DYNC2I2: variants seen among roughly 807,000 people sequenced by gnomAD.
DYNC2I2 encodes dynein 2 intermediate chain 2, also known as cytoplasmic dynein 2 intermediate chain 2.
A neutral mutation model predicts 52.0 loss-of-function variants in DYNC2I2; 39 were observed. The ratio of observed to expected loss-of-function variants is 0.75; its 90% CI spans 0.58 to 0.98. The LOEUF (loss-of-function observed/expected upper bound fraction) is 0.98. Ranked by LOEUF, DYNC2I2 falls within the 50% of genes least tolerant of loss-of-function variation. DYNC2I2 has a pLI of 0.00. For missense variants in DYNC2I2, 743 were observed against 728.4 expected (o/e 1.02, Z -0.23); for synonymous variants, 359 against 321.1 (o/e 1.12, Z -1.26).
At chr9:128,641,432 G>C (rs1392365044) in intron 1 of DYNC2I2, among the ~76,000 whole-genome samples, 2 of 152,110 alleles carry the variant, frequency 1.3e-5, no homozygotes, top group South Asian at 4.1e-4. Context: ...TCCACTATGA[G>C]CTGCTAGGTG....
intron 1 of DYNC2I2, among the ~76,000 whole-genome samples, chr9:128,648,662 T>C (rs1589435254): frequency 6.7e-6 from 1 of 149,988 alleles, no homozygotes; most frequent in Non-Finnish European, 1.5e-5. Flanking sequence ...TAGCCAAGCG[T>C]GTTGGCGGGC....
the DYNC2I2 span, among the ~76,000 whole-genome samples, chr9:128,668,824 G>GAA: frequency 1.8e-5 from 2 of 110,818 alleles, no homozygotes; most frequent in Non-Finnish European, 3.9e-5. Context: ...TAAAAAAAAG[G>GAA]AAAAAAAAAA....
the DYNC2I2 span, among the ~76,000 whole-genome samples, chr9:128,681,183 C>G: frequency 1.3e-5 from 2 of 150,616 alleles, no homozygotes; most frequent in Non-Finnish European, 3.0e-5. Flanking sequence ...CTCAGCCTCC[C>G]GGGTTCAAGT....
chr9:128,656,802 G>A lies in DYNC2I2; in HGVS notation c.-76C>T, dbSNP rs1343956627. 11 of 1,296,264 alleles carry A rather than the reference G, an allele frequency of 8.5e-6. No individual in the cohort carries two copies. The highest frequency in any genetic ancestry group is 2.9e-4 in the Middle Eastern group (1 of 3,488). The allele number at this position is 1,296,264 out of a possible 1,614,324, so 80.3% of individuals were successfully genotyped here. A position where few individuals can be genotyped will look rare whatever the true frequency, so the allele number is the denominator to read the frequency against. ...CCTACGCCGCCATGAGCGGAAAACG[G>A]GGAATGTGAGGCTGACGGCGCCATG... On this transcript the variant is annotated 5_prime_UTR_variant, in exon 1 of 9. Transcript: ENST00000372715.
At chr9:128,658,624 G>A (rs963352583), upstream of DYNC2I2, among the ~76,000 whole-genome samples, 2 of 151,576 alleles carry the variant, frequency 1.3e-5, no homozygotes, top group Non-Finnish European at 2.9e-5. Flanking sequence ...ACCACGCCTG[G>A]CCAATTTTTT....
the DYNC2I2 span, among the ~76,000 whole-genome samples, chr9:128,681,221 G>T: frequency 1.3e-5 from 2 of 152,094 alleles, no homozygotes; most frequent in African/African-American, 4.8e-5. Context: ...CTCCCGAGTA[G>T]CTGGGACTAC....
the DYNC2I2 span, among the ~76,000 whole-genome samples, chr9:128,678,086 T>G: frequency 3.0e-4 from 46 of 151,660 alleles, no homozygotes; most frequent in Middle Eastern, 3.4e-3. Flanking sequence ...TTTTTTTTTT[T>G]GGGACAGAGT....
At chr9:128,639,390 T>G (rs192978297) in intron 2 of DYNC2I2, among the ~76,000 whole-genome samples, 50 of 151,686 alleles carry the variant, frequency 3.3e-4, no homozygotes, top group African/African-American at 1.2e-3. Flanking sequence ...AGAGCGAGAC[T>G]CTGTCTCAAA....
the DYNC2I2 span, among the ~76,000 whole-genome samples, chr9:128,674,458 T>A: frequency 2.7e-5 from 4 of 150,266 alleles, no homozygotes; most frequent in Non-Finnish European, 5.9e-5. Context: ...TAAAAAAAAA[T>A]TTTGGCCTGG....
chr9:128,637,226 T>G (rs1198889491), intron 2 of DYNC2I2, among the ~76,000 whole-genome samples, 199 bp from the exon 3 acceptor site: 1 of 152,186 alleles, frequency 6.6e-6, no homozygotes, highest in East Asian at 1.9e-4. Flanking sequence ...AGGCATGGCC[T>G]GAGAAGCAAG....
At chr9:128,642,131 C>CA (rs1479925945) in intron 1 of DYNC2I2, among the ~76,000 whole-genome samples, 2 of 150,858 alleles carry the variant, frequency 1.3e-5, no homozygotes, top group East Asian at 2.0e-4. Flanking sequence ...ACTAAAAATA[C>CA]AAAAAATTAG....
intron 1 of DYNC2I2, among the ~76,000 whole-genome samples, chr9:128,642,980 G>A (rs188767095): frequency 1.6e-3 from 248 of 152,120 alleles, no homozygotes; most frequent in Non-Finnish European, 7.9e-4. Flanking sequence ...ATGGGATGGC[G>A]AGGGTGGCCT....
At position 128,634,754 on chromosome 9, in the gene DYNC2I2, T is replaced by C. The variant is rs1289568659; in HGVS notation, c.1149A>G (p.Pro383=). The C allele has an allele frequency of 3.7e-6, 6 of 1,604,218 alleles. No individual in the cohort carries two copies. Among genetic ancestry groups the C allele is most frequent in the Non-Finnish European group, 5.1e-6 (6 of 1,175,918 alleles). ...CGTGGGGGGAGAAGGTAAACTGTGC[T>C]GGGGCCCGCAGGGGCACGGAGCTGG... ...RMPSSVPLRA[P]AQFTFSPHGG... Residue 383 remains proline, a synonymous_variant, in exon 7 of 9, where the codon CCA becomes CCG. Transcript: ENST00000372715.
Position 128,640,829 on chromosome 9 carries a change from G to C in DYNC2I2, c.297C>G (p.Pro99=). The C allele has an allele frequency of 6.2e-7, 1 of 1,614,004 alleles. No homozygotes were observed. The highest frequency in any genetic ancestry group is 1.7e-5 in the Admixed American group (1 of 60,008). The part of the protein sequence containing the change: ...TEAPVPVSVQ[P]PSQYDIPRLA... Reference sequence around the variant, plus strand: ...GCCTGGGTATGTCATACTGGGACGGGGGCTGCACGCTGACAGGCACGGGGG... The same window carrying C: ...GCCTGGGTATGTCATACTGGGACGGCGGCTGCACGCTGACAGGCACGGGGG... The change falls in exon 2 of 9, where the codon CCC becomes CCG. Residue 99 remains proline, a synonymous_variant. Transcript: ENST00000372715.
At chr9:128,654,288 G>A (rs1484619260) in intron 1 of DYNC2I2, among the ~76,000 whole-genome samples, 4 of 152,118 alleles carry the variant, frequency 2.6e-5, no homozygotes, top group Non-Finnish European at 5.9e-5. Flanking sequence ...AAACCTCACT[G>A]GCCTTGGGGA....
upstream of DYNC2I2, among the ~76,000 whole-genome samples, chr9:128,661,445 C>A (rs961573641): frequency 6.6e-6 from 1 of 151,494 alleles, no homozygotes; most frequent in East Asian, 2.0e-4. Flanking sequence ...ATGGTGAAAC[C>A]TTGTCTCTAC....
Position 128,633,959 on chromosome 9 carries a change from G to A in DYNC2I2, c.1396C>T (p.Gln466Ter), listed in dbSNP as rs889524167. The change falls in exon 9 of 9, where the codon CAG (glutamine) becomes TAG (stop). Residue 466 changes from glutamine (Q) to a stop codon, truncating the protein, a stop_gained. Transcript: ENST00000372715. LOFTEE classifies it high-confidence loss of function. ...GKGDVQLFDL[Q>*]KSSQKPTVLI... ...ACTGTGGGTTTCTGGGAGCTTTTCTGGAGATCAAACAGCTGCACGTCACCT... is the reference window on the plus strand; with the variant it reads ...ACTGTGGGTTTCTGGGAGCTTTTCTAGAGATCAAACAGCTGCACGTCACCT... 3.7e-6 allele frequency: 6 copies of A among 1,612,936 alleles called. No individual in the cohort carries two copies. Among genetic ancestry groups the A allele is most frequent in the South Asian group, 1.1e-5 (1 of 91,084 alleles).
chr9:128,641,049 C>T, intron 1 of DYNC2I2, 110 bp from the exon 2 acceptor site: 1 of 1,439,694 alleles, frequency 6.9e-7, no homozygotes, highest in Non-Finnish European at 9.1e-7. Context: ...CTGTGGGTCT[C>T]AGGCTAGGGG....
Position 128,635,004 on chromosome 9 carries a change from G to A in DYNC2I2, c.982-83C>T, listed in dbSNP as rs945740838. ...AACAGAGCCAGAGAACAGGAGGGGA[G>A]ATCACAGCAAGTCAGGCCCACTGCC... On this transcript the variant is annotated intron_variant, in intron 6 of 8. Coordinates refer to ENST00000372715, the MANE Select transcript of DYNC2I2 (RefSeq NM_052844.4). 12 of 1,585,632 alleles carry A rather than the reference G, an allele frequency of 7.6e-6. No homozygotes were observed. The African/African-American group carries it at 1.2e-4, about 16-fold the overall frequency.
Sources: gnomAD v4.1 joint callset for allele counts (sites outside exome capture counted in the v4.1 genomes callset) on GRCh38, gnomAD v4.1.1 for gene constraint, MANE v1.5 for transcripts, NCBI Gene and HGNC (gene_info 2026-07-23, HGNC 2026-07-21) for gene names.